Variants in USF3 observed in about 807,000 individuals in gnomAD.
The protein encoded by USF3 is basic helix-loop-helix domain-containing protein USF3.
In USF3, 29 loss-of-function variants were observed where a neutral mutation model predicts 157.5. The ratio of observed to expected loss-of-function variants is 0.18; its 90% CI spans 0.14 to 0.25. USF3 has a LOEUF of 0.25. USF3 is among the 10% of genes least tolerant of loss of function. The pLI is 1.00. For missense variants in USF3, 2,381 were observed against 2,667.6 expected (o/e 0.89, Z 2.37); for synonymous variants, 893 against 941.4 (o/e 0.95, Z 0.94).
At position 113,659,897 on chromosome 3, in the gene USF3, A is replaced by G. The variant is rs1947449080; in HGVS notation, c.1785T>C (p.Pro595=). ...AANQNPLPLL[P]APPPGSVRLP... is the part of the protein sequence containing the mutation. ...GTCGAACAGAACCAGGAGGTGGAGC[A>G]GGGAGGAGTGGCAAAGGATTCTGAT... Residue 595 remains proline (P), a synonymous_variant, in exon 7 of 7, where the codon CCT becomes CCC. Coordinates refer to ENST00000316407, the MANE Select transcript of USF3 (RefSeq NM_001009899.4). 2 of 1,614,214 alleles carry G rather than the reference A, an allele frequency of 1.2e-6. No individual in the cohort carries two copies. The highest frequency in any genetic ancestry group is 1.6e-4 in the Middle Eastern group (1 of 6,062).
At position 113,673,482 on chromosome 3, in the gene USF3, T is replaced by C. The variant is rs1233737091; in HGVS notation, c.48-106A>G. ...AAAATAAATTTTATGAATTTGTATT[T>C]GTTGCAGCAATAAGAAACAATCTGA... On this transcript the variant is annotated intron_variant, in intron 3 of 6. Coordinates refer to ENST00000316407, the MANE Select transcript of USF3 (RefSeq NM_001009899.4). 11 of 698,378 alleles carry C rather than the reference T, an allele frequency of 1.6e-5. No individual in the cohort carries two copies. In the Admixed American group the frequency reaches 2.8e-4, roughly 18 times the overall value. The allele number at this position is 698,378 out of a possible 1,614,324, so 43.3% of individuals were successfully genotyped here. A position where few individuals can be genotyped will look rare whatever the true frequency, so the allele number is the denominator to read the frequency against.
intron 1 of USF3, among the ~76,000 whole-genome samples, chr3:113,696,112 GC>G (rs1471979874): frequency 1.3e-5 from 2 of 152,222 alleles, no homozygotes; most frequent in Admixed American, 1.3e-4. Context: ...CGCAGTGCGA[GC>G]CCCCCACGGG....
At chr3:113,670,238 A>G (rs1003319175) in intron 4 of USF3, 35 bp from the exon 5 acceptor site, 9 of 1,250,846 alleles carry the variant, frequency 7.2e-6, no homozygotes, top group Middle Eastern at 1.9e-4. Flanking sequence ...CAAACCTTAC[A>G]CTACTTAGTC....
Position 113,659,815 on chromosome 3 carries a change from G to T in USF3, c.1867C>A (p.Pro623Thr), listed in dbSNP as rs765437643. ...IGSNNSVQNV[P>T]TPQTFGGKHL... ...TTTCCTCCAAAAGTCTGTGGTGTTGGAACATTTTGCACTGAATTATTAGAC... is the reference window on the plus strand; with the variant it reads ...TTTCCTCCAAAAGTCTGTGGTGTTGTAACATTTTGCACTGAATTATTAGAC... Residue 623 changes from proline (P) to threonine (T), a missense_variant, in exon 7 of 7, where the codon CCA becomes ACA. Coordinates refer to ENST00000316407, the MANE Select transcript of USF3 (RefSeq NM_001009899.4). The T allele has an allele frequency of 6.2e-7, 1 of 1,614,198 alleles. No individual in the cohort carries two copies. The highest frequency in any genetic ancestry group is 1.1e-5 in the South Asian group (1 of 91,078).
intron 6 of USF3, among the ~76,000 whole-genome samples, chr3:113,663,361 G>A (rs1478636705): frequency 2.6e-5 from 4 of 152,164 alleles, no homozygotes; most frequent in Non-Finnish European, 5.9e-5. Flanking sequence ...CATCCCTTCT[G>A]TGGAGTACCT....
At position 113,660,145 on chromosome 3, in the gene USF3, G is replaced by A. The variant is rs756666399; in HGVS notation, c.1537C>T (p.Pro513Ser). ...TTGGGAGGCTGAGATTTAACTTGTG[G>A]CTGGGCAATTAGTGGCTGCATAGGT... ...SLPMQPLIAQ[P>S]QVKSQPPKNI... Residue 513 changes from proline (P) to serine (S), a missense_variant, in exon 7 of 7, where the codon CCA (proline) becomes TCA (serine). Around this residue, in one of 6 missense-constraint regions of USF3, gnomAD observed 1,435 missense variants for 1,550.9 expected, o/e 0.93. Transcript: ENST00000316407. 1.9e-6 allele frequency: 3 copies of A among 1,614,184 alleles called. No homozygotes were observed. The highest frequency in any genetic ancestry group is 1.7e-5 in the Admixed American group (1 of 60,022).
chr3:113,672,210 C>T (rs1707171929), intron 4 of USF3, among the ~76,000 whole-genome samples: 2 of 150,250 alleles, frequency 1.3e-5, no homozygotes, highest in African/African-American at 2.5e-5. Flanking sequence ...GGCACGATCT[C>T]GCTTAACTGC....
chr3:113,682,737 G>T (rs1455901339), intron 1 of USF3, among the ~76,000 whole-genome samples: 1 of 151,974 alleles, frequency 6.6e-6, no homozygotes, highest in East Asian at 1.9e-4. Context: ...CATAGTTTTT[G>T]TCTTGAAATC....
At chr3:113,673,761 A>G (rs1252955854) in intron 3 of USF3, among the ~76,000 whole-genome samples, 1 of 152,260 alleles carries the variant, frequency 6.6e-6, no homozygotes, top group African/African-American at 2.4e-5. Flanking sequence ...CACCTGGACC[A>G]GTACGGGTGT....
In USF3 at chr3:113,653,006, TG is replaced by T; in HGVS notation, c.*1937del. 2.0e-6 allele frequency: 2 copies of T among 984,962 alleles called. No homozygotes were observed. Among genetic ancestry groups the T allele is most frequent in the South Asian group, 3.6e-5 (2 of 55,934 alleles). 61.0% of individuals were successfully genotyped at this position (984,962 alleles called of 1,614,324 possible). A position where few individuals can be genotyped will look rare whatever the true frequency, so the allele number is the denominator to read the frequency against. ...AAAGGAATATTCAAGGTGCTGTTCC[TG>T]GTGTTAGTTGCACCTAACGACACTC... On this transcript the variant is annotated 3_prime_UTR_variant, in exon 7 of 7. Coordinates refer to ENST00000316407, the MANE Select transcript of USF3 (RefSeq NM_001009899.4).
intron 6 of USF3, 58 bp from the exon 7 acceptor site, chr3:113,661,483 C>T (rs1947484915): frequency 9.5e-7 from 1 of 1,052,336 alleles, no homozygotes; most frequent in Non-Finnish European, 1.4e-6. Flanking sequence ...TTTACAATAA[C>T]TTGATAAAGA....
Position 113,656,688 on chromosome 3 carries a change from A to C in USF3, c.4994T>G (p.Val1665Gly), listed in dbSNP as rs1947365566. Residue 1665 changes from valine (V) to glycine (G), a missense_variant, in exon 7 of 7, where the codon GTT (valine) becomes GGT (glycine). Transcript: ENST00000316407. ...GAGTGCCTCAGCAGAATAACTTGAA[A>C]CTCTATTTCTCTCTGGCCTGTGTGG... ...CTPHRPERNR[V>G]SSYSAEALIG... 6.2e-7 allele frequency: 1 copy of C among 1,612,898 alleles called. No individual in the cohort carries two copies. The highest frequency in any genetic ancestry group is 8.5e-7 in the Non-Finnish European group (1 of 1,179,502).
In USF3 at chr3:113,657,735, A is replaced by C. The variant is rs573219688; in HGVS notation, c.3947T>G (p.Leu1316Arg). The C allele has an allele frequency of 1.2e-6, 2 of 1,614,108 alleles. No individual in the cohort carries two copies. Among genetic ancestry groups the C allele is most frequent in the African/African-American group, 1.3e-5 (1 of 75,032 alleles). The change falls in exon 7 of 7, where the codon CTC becomes CGC. Residue 1316 changes from leucine to arginine, a missense_variant. Leu to Arg is a moderately radical substitution (Grantham distance 102, BLOSUM62 -2). Transcript: ENST00000316407. The stretch of plus-strand genomic sequence containing the variant: ...ACGGCTTTCATGGCTTGGCTTTAAG[A>C]GTGGCTCTTGAATCTGTGAATTTGG... ...TIPNSQIQEP[L>R]LKPSHESRKD...
chr3:113,690,351 T>A (rs1212200562), intron 1 of USF3, among the ~76,000 whole-genome samples: 1 of 152,230 alleles, frequency 6.6e-6, no homozygotes, highest in Non-Finnish European at 1.5e-5. Context: ...ATGGATTTTA[T>A]ACCCCAATGT....
In USF3 at chr3:113,655,389, A is replaced by G. The variant is rs768627270; in HGVS notation, c.6293T>C (p.Leu2098Pro). ...AGTATTTTGCGGATCTACCGGGATG[A>G]GGGCTGGAGTTCGAGTGGCACTAGG... ...TQPSATRTPA[L>P]IPVDPQNTLP... Residue 2098 changes from leucine (L) to proline (P), a missense_variant, in exon 7 of 7, where the codon CTC (leucine) becomes CCC (proline). By Grantham distance (98) the Leu-to-Pro change is moderately conservative. This residue lies in a region of USF3 where 770 missense variants were observed against 824.2 expected (regional missense o/e 0.93). Transcript: ENST00000316407. The G allele has an allele frequency of 6.2e-7, 1 of 1,614,136 alleles. No individual in the cohort carries two copies. The highest frequency in any genetic ancestry group is 8.5e-7 in the Non-Finnish European group (1 of 1,180,000).
rs577276138 is a variant in USF3, at chr3:113,657,895, T to C, written c.3787A>G (p.Thr1263Ala). ...PLASCAGLSP[T>A]SEQTTVPATV... ...GCAGGCACAGTTGTTTGCTCTGAAG[T>C]TGGGGATAAACCCGCACAGCTGGCC... is the stretch of plus-strand genomic sequence containing the variant. The change falls in exon 7 of 7, where the codon ACT becomes GCT. Residue 1263 changes from threonine to alanine, a missense_variant. Thr to Ala is a moderately conservative substitution (Grantham distance 58, BLOSUM62 0). Around this residue, in one of 6 missense-constraint regions of USF3, gnomAD observed 1,435 missense variants for 1,550.9 expected, o/e 0.93. Coordinates refer to ENST00000316407, the MANE Select transcript of USF3 (RefSeq NM_001009899.4). The C allele has an allele frequency of 1.9e-6, 3 of 1,614,204 alleles. No homozygotes were observed. The highest frequency in any genetic ancestry group is 2.2e-5 in the East Asian group (1 of 44,890).
chr3:113,667,214 A>G (rs1274764322), intron 5 of USF3, among the ~76,000 whole-genome samples: 1 of 152,198 alleles, frequency 6.6e-6, no homozygotes, highest in Non-Finnish European at 1.5e-5. Flanking sequence ...TGTTCTTTTT[A>G]AAAACAATAA....
intron 4 of USF3, among the ~76,000 whole-genome samples, chr3:113,672,389 G>A (rs1022135530): frequency 6.6e-6 from 1 of 151,946 alleles, no homozygotes; most frequent in Admixed American, 6.6e-5. Flanking sequence ...ACCTCTCCAA[G>A]TGCTGGGATT....
At chr3:113,673,011 C>T (rs1707194488) in intron 4 of USF3, among the ~76,000 whole-genome samples, 1 of 152,102 alleles carries the variant, frequency 6.6e-6, no homozygotes, top group Non-Finnish European at 1.5e-5. Flanking sequence ...GGCAGCCAGC[C>T]CCCTCGGGAA....
Sources: allele counts gnomAD v4.1 joint callset (sites outside exome capture counted in the v4.1 genomes callset), GRCh38; gene constraint gnomAD v4.1.1; regional missense constraint gnomAD v4.1.1; transcripts MANE v1.5; gene names NCBI Gene and HGNC (gene_info 2026-07-23, HGNC 2026-07-21).